Variants in JAM2 observed in about 807,000 individuals in gnomAD.
JAM2 encodes junctional adhesion molecule B.
Under a neutral mutation model 42.0 loss-of-function variants are expected in JAM2, and 17 were observed. That is an observed-to-expected ratio of 0.40 (90% CI 0.28 to 0.61). JAM2 has a LOEUF of 0.61. Ranked by LOEUF, JAM2 falls within the 20% of genes least tolerant of loss-of-function variation. The probability of loss-of-function intolerance (pLI) is 0.37; values close to 1 mark genes in which losing one functional copy is unlikely to be tolerated. For synonymous variants in JAM2, 118 were observed against 128.6 expected (o/e 0.92, Z 0.56); for missense variants, 319 against 358.3 (o/e 0.89, Z 0.89).
chr21:25,684,413 C>T (rs1163593092), intron 2 of JAM2, among the ~76,000 whole-genome samples: 4 of 152,076 alleles, frequency 2.6e-5, no homozygotes, highest in African/African-American at 9.7e-5. Flanking sequence ...TTCTGTTTTG[C>T]AAGATAAAAT....
At chr21:25,682,266 T>C (rs1178927360) in intron 1 of JAM2, among the ~76,000 whole-genome samples, 1 of 152,264 alleles carries the variant, frequency 6.6e-6, no homozygotes, top group African/African-American at 2.4e-5. Flanking sequence ...GTCATTACAC[T>C]GGAGTATAGA....
intron 1 of JAM2, among the ~76,000 whole-genome samples, chr21:25,660,782 A>ATATATATATATATATATATT (rs1555861055): frequency 2.4e-5 from 1 of 41,316 alleles, no homozygotes; most frequent in African/African-American, 1.9e-4. Context: ...ATATATATAT[A>ATATATATATATATATATATT]TTTTTTTTTT....
intron 1 of JAM2, among the ~76,000 whole-genome samples, chr21:25,665,894 G>A (rs2033205911): frequency 6.6e-6 from 1 of 152,090 alleles, no homozygotes; most frequent in African/African-American, 2.4e-5. Flanking sequence ...GCAAAAATGA[G>A]CCAGGCGTGG....
At chr21:25,688,409 T>G (rs1055733271) in intron 2 of JAM2, among the ~76,000 whole-genome samples, 4 of 152,216 alleles carry the variant, frequency 2.6e-5, no homozygotes, top group Admixed American at 2.6e-4. Context: ...AGTGTGGGTG[T>G]GTGTTTAATT....
At chr21:25,685,382 C>G (rs2033727116) in intron 2 of JAM2, among the ~76,000 whole-genome samples, 1 of 151,642 alleles carries the variant, frequency 6.6e-6, no homozygotes, top group Non-Finnish European at 1.5e-5. Context: ...ATTAGACAGA[C>G]ATGTGGTGCA....
chr21:25,665,028 G>A (rs1033029069), intron 1 of JAM2, among the ~76,000 whole-genome samples: 1 of 152,220 alleles, frequency 6.6e-6, no homozygotes, highest in African/African-American at 2.4e-5. Context: ...CATCAACATA[G>A]ATTGAAGAGA....
intron 1 of JAM2, among the ~76,000 whole-genome samples, chr21:25,652,428 T>G (rs898364693): frequency 6.6e-6 from 1 of 152,090 alleles, no homozygotes; most frequent in Non-Finnish European, 1.5e-5. Flanking sequence ...ATGAACCTAC[T>G]GTATATCAAA....
In JAM2 at chr21:25,639,612, G is replaced by T; in HGVS notation, c.-210G>T. On this transcript the variant is annotated 5_prime_UTR_variant, in exon 1 of 10. Transcript: ENST00000480456. ...CAAAACAGAACAGACCCCCATCCCTGGGCTGGAGGACCCGCCTCTTGGCAG... is the reference window on the plus strand; with the variant it reads ...CAAAACAGAACAGACCCCCATCCCTTGGCTGGAGGACCCGCCTCTTGGCAG... 1.9e-6 allele frequency: 1 copy of T among 521,778 alleles called. No homozygotes were observed. Among genetic ancestry groups the T allele is most frequent in the Non-Finnish European group, 3.4e-6 (1 of 294,358 alleles). 32.3% of individuals were successfully genotyped at this position (521,778 alleles called of 1,614,324 possible). A position where few individuals can be genotyped will look rare whatever the true frequency, so the allele number is the denominator to read the frequency against.
rs148894554 is a variant in JAM2, at chr21:25,652,300, G to A, written c.67+12412G>A. Among the ~76,000 whole-genome samples, 127 of 152,312 alleles carry A rather than the reference G, an allele frequency of 8.3e-4. 1 individual carries two copies. The highest frequency in any genetic ancestry group is 2.9e-3 in the African/African-American group (119 of 41,578). On this transcript the variant is annotated intron_variant, in intron 1 of 9. Transcript: ENST00000480456. ...TCAGCTACTCACGAGGCTGAGGTGGGAGGTTTGCTTGGTCCTGGGAGATCG... is the reference window on the plus strand; with the variant it reads ...TCAGCTACTCACGAGGCTGAGGTGGAAGGTTTGCTTGGTCCTGGGAGATCG...
intron 7 of JAM2, among the ~76,000 whole-genome samples, chr21:25,707,938 G>A (rs983189384): frequency 4.6e-5 from 7 of 151,790 alleles, no homozygotes; most frequent in South Asian, 2.1e-4. Context: ...TTGACTTTCC[G>A]GGCTCAAGCA....
chr21:25,692,468 A>C (rs1380592715), intron 3 of JAM2: 1 of 193,840 alleles, frequency 5.2e-6, no homozygotes, highest in Non-Finnish European at 1.1e-5. Context: ...AATCTGTTTG[A>C]CAAAATCTAT....
At chr21:25,650,893 T>C (rs937190347) in intron 1 of JAM2, among the ~76,000 whole-genome samples, 1 of 151,998 alleles carries the variant, frequency 6.6e-6, no homozygotes, top group Non-Finnish European at 1.5e-5. Flanking sequence ...TGTAAAATGG[T>C]AGCATTTGAA....
intron 1 of JAM2, among the ~76,000 whole-genome samples, chr21:25,676,926 T>A (rs1305620606): frequency 6.6e-6 from 1 of 152,180 alleles, no homozygotes; most frequent in Non-Finnish European, 1.5e-5. Flanking sequence ...TCTTATAAAT[T>A]TTTTTAATTT....
chr21:25,699,512 G>C (rs1423738773), intron 5 of JAM2, among the ~76,000 whole-genome samples: 2 of 151,898 alleles, frequency 1.3e-5, no homozygotes, highest in African/African-American at 2.4e-5. Context: ...CACGAGGTCA[G>C]GAGATCAAGA....
intron 2 of JAM2, among the ~76,000 whole-genome samples, chr21:25,687,501 G>A (rs1051670303): frequency 1.3e-5 from 2 of 152,168 alleles, no homozygotes; most frequent in Non-Finnish European, 2.9e-5. Flanking sequence ...AGAGAGAAGA[G>A]AATTCATGAG....
intron 1 of JAM2, among the ~76,000 whole-genome samples, chr21:25,673,996 T>C (rs548583161): frequency 2.6e-3 from 398 of 152,360 alleles, no homozygotes; most frequent in Non-Finnish European, 3.4e-3. Context: ...TCATTCTCTC[T>C]TGACTGCCGC....
chr21:25,708,759 C>T (rs894944815), intron 7 of JAM2, among the ~76,000 whole-genome samples: 5 of 151,896 alleles, frequency 3.3e-5, no homozygotes, highest in Admixed American at 6.6e-5. Context: ...TAATACTGGT[C>T]TGAGTTTTTT....
intron 1 of JAM2, among the ~76,000 whole-genome samples, chr21:25,657,170 C>T (rs1324134814): frequency 6.6e-6 from 1 of 152,004 alleles, no homozygotes; most frequent in African/African-American, 2.4e-5. Context: ...GCAATAATAG[C>T]CTGTGCTAAT....
At chr21:25,641,365 A>G (rs2032435926) in intron 1 of JAM2, among the ~76,000 whole-genome samples, 1 of 152,212 alleles carries the variant, frequency 6.6e-6, no homozygotes, top group Non-Finnish European at 1.5e-5. Context: ...CATAGAAACA[A>G]TACACCCCAA....
Sources: gnomAD v4.1 joint callset for allele counts (sites outside exome capture counted in the v4.1 genomes callset) on GRCh38, gnomAD v4.1.1 for gene constraint, MANE v1.5 for transcripts, NCBI Gene and HGNC (gene_info 2026-07-23, HGNC 2026-07-21) for gene names.